STK38: variants seen among roughly 807,000 people sequenced by gnomAD.
STK38 encodes serine/threonine-protein kinase 38.
STK38 carries 26 observed loss-of-function variants against 59.0 expected under a neutral mutation model. That is an observed-to-expected ratio of 0.44 (90% confidence interval 0.32 to 0.61). STK38 has a LOEUF of 0.61. Among genes scored for constraint, STK38 ranks in the 20% least tolerant of loss-of-function variants. The pLI is 0.04. For missense variants in STK38, 433 were observed against 566.0 expected (o/e 0.76, Z 2.38); for synonymous variants, 175 against 176.6 (o/e 0.99, Z 0.07).
At chr6:36,513,409 G>C (rs540866664) in intron 7 of STK38, among the ~76,000 whole-genome samples, 2 of 151,620 alleles carry the variant, frequency 1.3e-5, no homozygotes, top group South Asian at 4.2e-4. Flanking sequence ...CCACCTCCCG[G>C]GTTCAAGTGA....
chr6:36,516,324 G>A (rs909865139), intron 6 of STK38, among the ~76,000 whole-genome samples: 3 of 152,116 alleles, frequency 2.0e-5, no homozygotes, highest in Admixed American at 1.3e-4. Context: ...ACTCAACAGT[G>A]AGAAATGCAA....
intron 2 of STK38, among the ~76,000 whole-genome samples, chr6:36,537,767 C>T (rs138049162): frequency 3.6e-4 from 54 of 152,066 alleles, no homozygotes; most frequent in African/African-American, 1.3e-3. Context: ...AGCATGGTGG[C>T]ATGCACCTGT....
chr6:36,507,469 C>A (rs531589322), intron 8 of STK38, 31 bp downstream of exon 8: 1 of 1,592,678 alleles, frequency 6.3e-7, no homozygotes, highest in Non-Finnish European at 8.6e-7. Context: ...CCAGTTAGAA[C>A]GAAAAGGCTA....
intron 5 of STK38, among the ~76,000 whole-genome samples, chr6:36,520,120 T>C (rs1357521039): frequency 1.3e-5 from 2 of 152,212 alleles, no homozygotes; most frequent in Non-Finnish European, 2.9e-5. Flanking sequence ...CTAAGCCAGG[T>C]AGAGTCTGTG....
intron 1 of STK38, among the ~76,000 whole-genome samples, chr6:36,541,612 T>C (rs996880245): frequency 2.6e-5 from 4 of 152,292 alleles, no homozygotes; most frequent in South Asian, 4.1e-4. Flanking sequence ...TTAAAATATG[T>C]CCAAATAGTT....
At chr6:36,538,974 A>C (rs1484042388) in intron 2 of STK38, among the ~76,000 whole-genome samples, 3 of 152,092 alleles carry the variant, frequency 2.0e-5, no homozygotes, top group African/African-American at 7.2e-5. Context: ...AGTTAAACAA[A>C]TATAATAAAT....
intron 7 of STK38, among the ~76,000 whole-genome samples, chr6:36,513,406 C>G (rs1423173591): frequency 6.6e-6 from 1 of 151,676 alleles, no homozygotes; most frequent in Non-Finnish European, 1.5e-5. Context: ...CCTCCACCTC[C>G]CGGGTTCAAG....
At position 36,524,453 on chromosome 6, in the gene STK38, C is replaced by T. The variant is rs746088825; in HGVS notation, c.194G>A (p.Arg65Gln). The change falls in exon 4 of 14, where the codon CGG (arginine) becomes CAG (glutamine). Residue 65 changes from arginine to glutamine, a missense_variant. Arg to Gln is a conservative substitution (Grantham distance 43). Around this residue, in one of 3 missense-constraint regions of STK38, gnomAD observed 293 missense variants for 388.2 expected, o/e 0.75. Coordinates refer to ENST00000229812, the MANE Select transcript of STK38 (RefSeq NM_007271.4). Reference sequence around the variant, plus strand: ...TTCCTTCCGAGCATGTGCTGATCTCCGGAGTCGTTTCTAATATTTAAATAA... The same window carrying T: ...TTCCTTCCGAGCATGTGCTGATCTCTGGAGTCGTTTCTAATATTTAAATAA... The part of the protein sequence containing the change: ...EGLKDEEKRL[R>Q]RSAHARKETE... 1.1e-5 allele frequency: 18 copies of T among 1,596,950 alleles called. No homozygotes were observed. The highest frequency in any genetic ancestry group is 1.4e-5 in the Non-Finnish European group (16 of 1,175,094).
In STK38 at chr6:36,547,472, C is replaced by T. The variant is rs923049815; in HGVS notation, c.-288G>A. On this transcript the variant is annotated 5_prime_UTR_variant, in exon 1 of 14. Transcript: ENST00000229812. Reference sequence around the variant, plus strand: ...CTGGCGCGGCAGCCCGGGGCCGAGACTACGCATGCGCGACTTCCCGGAGCG... The same window carrying T: ...CTGGCGCGGCAGCCCGGGGCCGAGATTACGCATGCGCGACTTCCCGGAGCG... 9.9e-5 allele frequency: 15 copies of T among 152,214 alleles called. No homozygotes were observed. Among genetic ancestry groups the T allele is most frequent in the Admixed American group, 9.8e-4 (15 of 15,244 alleles). The allele number at this position is 152,214 out of a possible 1,614,324, so 9.4% of individuals were successfully genotyped here.
chr6:36,514,482 G>A (rs912704004), intron 7 of STK38, among the ~76,000 whole-genome samples: 1 of 152,158 alleles, frequency 6.6e-6, no homozygotes, highest in Non-Finnish European at 1.5e-5. Flanking sequence ...TAGAGTTTTA[G>A]AGGTGAACGG....
rs745397252 is a variant in STK38 at position 36,499,863 on chromosome 6, T to C, written c.952+10A>G. The C allele has an allele frequency of 2.3e-5, 37 of 1,610,396 alleles. No individual in the cohort carries two copies. The highest frequency in any genetic ancestry group is 6.6e-5 in the South Asian group (6 of 91,016). ...GCACAGAAAAAGTCCTCTGAAACCA[T>C]GCAACTTACCGATGAGCATCTCATA... On this transcript the variant is annotated intron_variant, in intron 10 of 13. Coordinates refer to ENST00000229812, the MANE Select transcript of STK38 (RefSeq NM_007271.4).
At chr6:36,531,259 A>C (rs1285393390) in intron 2 of STK38, among the ~76,000 whole-genome samples, 3 of 152,266 alleles carry the variant, frequency 2.0e-5, no homozygotes, top group African/African-American at 7.2e-5. Flanking sequence ...AGAAATTCTC[A>C]GTAAAATGTA....
intron 7 of STK38, among the ~76,000 whole-genome samples, chr6:36,512,339 G>A (rs886323011): frequency 2.0e-5 from 3 of 152,240 alleles, no homozygotes; most frequent in East Asian, 1.9e-4. Context: ...CAGTTAGACC[G>A]AATCCTCAAG....
chr6:36,506,517 G>A (rs1351384190), intron 9 of STK38, 66 bp downstream of exon 9: 6 of 1,526,058 alleles, frequency 3.9e-6, no homozygotes, highest in African/African-American at 2.8e-5. Context: ...GCAAATTTAT[G>A]TGAAAATCTT....
chr6:36,496,383 A>G (rs1776705339), intron 13 of STK38, among the ~76,000 whole-genome samples: 1 of 151,996 alleles, frequency 6.6e-6, no homozygotes, highest in Non-Finnish European at 1.5e-5. Flanking sequence ...CATGTTCTTT[A>G]AATCTCATAT....
chr6:36,496,531 A>C (rs1266929392), intron 13 of STK38, among the ~76,000 whole-genome samples, 180 bp downstream of exon 13: 7 of 152,104 alleles, frequency 4.6e-5, no homozygotes, highest in Admixed American at 2.6e-4. Flanking sequence ...GCTGATACTC[A>C]TTTTCCATTC....
chr6:36,506,901 C>G (rs1239728415), intron 8 of STK38, among the ~76,000 whole-genome samples: 1 of 152,144 alleles, frequency 6.6e-6, no homozygotes, highest in Non-Finnish European at 1.5e-5. Flanking sequence ...GGATACAGTA[C>G]AGGACTTAAT....
chr6:36,527,327 TATAC>T (rs1407381397), intron 2 of STK38, among the ~76,000 whole-genome samples: 1 of 145,190 alleles, frequency 6.9e-6, no homozygotes, highest in Non-Finnish European at 1.5e-5. Context: ...CACACATATA[TATAC>T]ACACACATAT....
chr6:36,528,108 CA>C (rs879777510), intron 2 of STK38, among the ~76,000 whole-genome samples: 2,686 of 132,142 alleles, frequency 0.02, 61 homozygotes, highest in African/African-American at 0.058. Context: ...GACTCCATCT[CA>C]AAAAAAAAAA....
Sources: allele counts gnomAD v4.1 joint callset (sites outside exome capture counted in the v4.1 genomes callset), GRCh38; gene constraint gnomAD v4.1.1; regional missense constraint gnomAD v4.1.1; transcripts MANE v1.5; gene names NCBI Gene and HGNC (gene_info 2026-07-23, HGNC 2026-07-21).